Variants in KIAA1217 observed in about 807,000 individuals in gnomAD.
The protein encoded by KIAA1217 is sickle tail protein homolog.
Under a neutral mutation model 163.9 loss-of-function variants are expected in KIAA1217, and 88 were observed. The observed-to-expected ratio is 0.54, with a 90% confidence interval of 0.45 to 0.64. The LOEUF (loss-of-function observed/expected upper bound fraction) is 0.64, where lower values mean the gene tolerates loss of function less well. Ranked by LOEUF, KIAA1217 falls within the 30% of genes least tolerant of loss-of-function variation. The probability of loss-of-function intolerance (pLI) is 0.00; values close to 1 mark genes in which losing one functional copy is unlikely to be tolerated. For missense variants in KIAA1217, 2,372 were observed against 2,475.0 expected (o/e 0.96, Z 0.88); for synonymous variants, 903 against 923.1 (o/e 0.98, Z 0.39).
upstream of KIAA1217, among the ~76,000 whole-genome samples, chr10:24,205,467 C>G (rs973544525): frequency 6.9e-6 from 1 of 145,032 alleles, no homozygotes; most frequent in East Asian, 2.1e-4. Flanking sequence ...AAGAGCAAAA[C>G]TCCGTCTCAA....
chr10:23,968,114 A>C (rs1845148441), intron 1 of KIAA1217, among the ~76,000 whole-genome samples: 2 of 151,734 alleles, frequency 1.3e-5, no homozygotes, highest in African/African-American at 4.8e-5. Flanking sequence ...TCACAAAGTG[A>C]TAATCCCAAC....
chr10:24,485,771 G>T (rs2065311942), intron 6 of KIAA1217, among the ~76,000 whole-genome samples: 1 of 152,202 alleles, frequency 6.6e-6, no homozygotes, highest in African/African-American at 2.4e-5. Context: ...TCTCTGTAGG[G>T]TGACAGCCTT....
chr10:24,050,436 T>C (rs1428263159), intron 2 of KIAA1217, among the ~76,000 whole-genome samples: 1 of 152,236 alleles, frequency 6.6e-6, no homozygotes, highest in Non-Finnish European at 1.5e-5. Flanking sequence ...TTTATGGTTT[T>C]AGGTCTTACA....
At chr10:23,843,672 A>T (rs370947675) in intron 1 of KIAA1217, among the ~76,000 whole-genome samples, 2 of 152,294 alleles carry the variant, frequency 1.3e-5, no homozygotes, top group East Asian at 3.9e-4. Flanking sequence ...GAGAAGGAGG[A>T]TACTGGGATA....
chr10:24,174,361 C>A (rs1369444227), intron 2 of KIAA1217, among the ~76,000 whole-genome samples: 1 of 152,226 alleles, frequency 6.6e-6, no homozygotes. Flanking sequence ...CCAACCACAC[C>A]AGACCCTAGG....
chr10:24,347,752 G>T (rs902596966), intron 2 of KIAA1217, among the ~76,000 whole-genome samples: 1 of 152,194 alleles, frequency 6.6e-6, no homozygotes, highest in African/African-American at 2.4e-5. Flanking sequence ...GTTTCGTGAA[G>T]AAATGCTTTG....
At chr10:24,520,952 G>A (rs2071144397) in intron 11 of KIAA1217, among the ~76,000 whole-genome samples, 1 of 149,604 alleles carries the variant, frequency 6.7e-6, no homozygotes, top group Non-Finnish European at 1.5e-5. Flanking sequence ...AGCACTTTGG[G>A]AGGCCAAGGC....
intron 4 of KIAA1217, among the ~76,000 whole-genome samples, chr10:24,435,208 A>C (rs2059927777): frequency 2.0e-5 from 3 of 152,252 alleles, no homozygotes; most frequent in African/African-American, 7.2e-5. Flanking sequence ...TAGATACTAC[A>C]TCTGTTTCAC....
intron 2 of KIAA1217, among the ~76,000 whole-genome samples, chr10:24,129,343 T>C (rs1427862825): frequency 6.6e-6 from 1 of 152,154 alleles, no homozygotes; most frequent in Non-Finnish European, 1.5e-5. Context: ...ATTAGTAAAT[T>C]GCTAAAATCA....
At chr10:24,067,587 G>A (rs2061006980) in intron 2 of KIAA1217, among the ~76,000 whole-genome samples, 1 of 152,226 alleles carries the variant, frequency 6.6e-6, no homozygotes, top group African/African-American at 2.4e-5. Flanking sequence ...CTACTCGGGG[G>A]TCAGGGACCC....
At chr10:24,078,284 G>A (rs1444841122) in intron 2 of KIAA1217, among the ~76,000 whole-genome samples, 1 of 152,184 alleles carries the variant, frequency 6.6e-6, no homozygotes, top group Non-Finnish European at 1.5e-5. Flanking sequence ...GGGTTTGGAG[G>A]ACTGGCCGCA....
chr10:23,976,967 C>T (rs558708746), intron 1 of KIAA1217, among the ~76,000 whole-genome samples: 71 of 152,330 alleles, frequency 4.7e-4, no homozygotes, highest in Middle Eastern at 3.4e-3. Context: ...CCCCATACGA[C>T]ACCACTTTCT....
chr10:24,212,679 G>A (rs4603202), intron 1 of KIAA1217, among the ~76,000 whole-genome samples: 3 of 152,196 alleles, frequency 2.0e-5, no homozygotes, highest in African/African-American at 2.4e-5. Flanking sequence ...GCAAGGGAGA[G>A]CAACATCTCT....
At chr10:24,104,278 A>G (rs2062533857) in intron 2 of KIAA1217, among the ~76,000 whole-genome samples, 1 of 152,212 alleles carries the variant, frequency 6.6e-6, no homozygotes, top group South Asian at 2.1e-4. Context: ...GTCCTCCAGT[A>G]AGTGAATGGA....
intron 1 of KIAA1217, among the ~76,000 whole-genome samples, chr10:24,006,155 G>C (rs763370009): frequency 3.9e-5 from 6 of 152,110 alleles, no homozygotes; most frequent in Non-Finnish European, 8.8e-5. Context: ...TAAATTGTAT[G>C]GTCATAGCCA....
At chr10:24,113,555 T>G (rs2062937169) in intron 2 of KIAA1217, among the ~76,000 whole-genome samples, 3 of 152,178 alleles carry the variant, frequency 2.0e-5, no homozygotes, top group African/African-American at 7.2e-5. Context: ...GGAATTTTGC[T>G]CGCAAAATCA....
At chr10:23,954,319 C>T (rs1389160580) in intron 1 of KIAA1217, among the ~76,000 whole-genome samples, 1 of 152,062 alleles carries the variant, frequency 6.6e-6, no homozygotes, top group Non-Finnish European at 1.5e-5. Context: ...AATCTCAGCA[C>T]TTTGGGAAGC....
chr10:24,275,326 A>G (rs907641373), intron 2 of KIAA1217, among the ~76,000 whole-genome samples: 30 of 152,306 alleles, frequency 2.0e-4, no homozygotes, highest in Non-Finnish European at 2.8e-4. Context: ...ACATACACGC[A>G]TGCAGGTGCA....
intron 1 of KIAA1217, among the ~76,000 whole-genome samples, chr10:23,980,510 G>A (rs891779754): frequency 2.6e-5 from 4 of 152,134 alleles, no homozygotes; most frequent in African/African-American, 9.7e-5. Flanking sequence ...CTGGTGCCTT[G>A]AGACCTTGGA....
Sources: gnomAD v4.1 joint callset for allele counts (sites outside exome capture counted in the v4.1 genomes callset) on GRCh38, gnomAD v4.1.1 for gene constraint, MANE v1.5 for transcripts, NCBI Gene and HGNC (gene_info 2026-07-23, HGNC 2026-07-21) for gene names.